ANO1: variants seen among roughly 807,000 people sequenced by gnomAD.
ANO1 encodes anoctamin-1.
ANO1 carries 59 observed loss-of-function variants against 124.0 expected under a neutral mutation model. That is an observed-to-expected ratio of 0.48 (90% CI 0.39 to 0.59). ANO1 has a LOEUF of 0.59. Among genes scored for constraint, ANO1 ranks in the 20% least tolerant of loss-of-function variants. The pLI, the probability that ANO1 is intolerant of heterozygous loss-of-function variation, is 0.00. For synonymous variants in ANO1, 529 were observed against 532.0 expected (o/e 0.99, Z 0.08); for missense variants, 1,059 against 1,328.0 (o/e 0.80, Z 3.15).
intron 10 of ANO1, among the ~76,000 whole-genome samples, chr11:70,131,442 CTCA>C (rs2046755131): frequency 6.6e-6 from 1 of 152,164 alleles, no homozygotes; most frequent in Admixed American, 6.5e-5. Context: ...ATTCTTCTGC[CTCA>C]GCCTCCCGAG....
chr11:70,144,879 G>T (rs2047297930), intron 11 of ANO1, among the ~76,000 whole-genome samples: 1 of 152,220 alleles, frequency 6.6e-6, no homozygotes, highest in African/African-American at 2.4e-5. Context: ...CAGAACCTCA[G>T]CTATGTGTCT....
chr11:70,121,519 C>G (rs1336844492), intron 8 of ANO1, among the ~76,000 whole-genome samples: 1 of 146,576 alleles, frequency 6.8e-6, no homozygotes, highest in Non-Finnish European at 1.5e-5. Flanking sequence ...ATCTCTGTCT[C>G]TCCATCTGCC....
chr11:70,061,452 C>G (rs1475533820), intron 1 of ANO1, among the ~76,000 whole-genome samples: 1 of 151,608 alleles, frequency 6.6e-6, no homozygotes, highest in East Asian at 1.9e-4. Flanking sequence ...TTTTCTCTCT[C>G]CTTCTCTCTC....
chr11:70,187,241 T>C (rs2049168443), intron 25 of ANO1, among the ~76,000 whole-genome samples: 1 of 152,198 alleles, frequency 6.6e-6, no homozygotes, highest in Non-Finnish European at 1.5e-5. Context: ...GCTGGACAGA[T>C]GTTCAGCAAA....
intron 1 of ANO1, among the ~76,000 whole-genome samples, chr11:70,000,360 G>C (rs1856359345): frequency 1.3e-5 from 2 of 152,126 alleles, no homozygotes; most frequent in South Asian, 4.2e-4. Context: ...TAAAAGTCAT[G>C]TCAGGTCACT....
intron 1 of ANO1, among the ~76,000 whole-genome samples, chr11:70,029,946 A>G (rs1856972237): frequency 1.3e-5 from 2 of 152,176 alleles, no homozygotes; most frequent in African/African-American, 4.8e-5. Context: ...TCATTAGATT[A>G]GGGCCACTGG....
Position 70,028,009 on chromosome 11 carries a change from T to C in ANO1, c.58+41843T>C, listed in dbSNP as rs1402664215. On this transcript the variant is annotated intron_variant, in intron 1 of 27. Coordinates refer to the ANO1 transcript ENST00000531349. ...AATTAAAGTACACCCGTGGGTTTTT[T>C]AAGAAGCATTTTCTTTTTGTGATCT... 2.6e-5 allele frequency among the ~76,000 whole-genome samples: 4 copies of C among 152,230 alleles called. No homozygotes were observed. In the South Asian group the frequency reaches 8.3e-4, roughly 32 times the overall value.
intron 2 of ANO1, among the ~76,000 whole-genome samples, chr11:70,098,607 A>G (rs1419804063): frequency 1.3e-5 from 2 of 152,202 alleles, no homozygotes; most frequent in Non-Finnish European, 2.9e-5. Context: ...AGGTGAGGAA[A>G]GAAGCTCACC....
intron 11 of ANO1, among the ~76,000 whole-genome samples, chr11:70,138,477 G>A (rs1473208447): frequency 6.7e-6 from 1 of 150,178 alleles, no homozygotes; most frequent in Non-Finnish European, 1.5e-5. Context: ...TTGCACTCCA[G>A]CCTGGGCAAA....
intron 1 of ANO1, among the ~76,000 whole-genome samples, chr11:69,995,345 C>T (rs943143655): frequency 2.0e-5 from 3 of 152,152 alleles, no homozygotes; most frequent in African/African-American, 7.2e-5. Context: ...GATCTACCCA[C>T]CTCAGCCTCT....
intron 22 of ANO1, among the ~76,000 whole-genome samples, chr11:70,177,319 C>T (rs2048741311): frequency 6.6e-6 from 1 of 152,248 alleles, no homozygotes; most frequent in Non-Finnish European, 1.5e-5. Flanking sequence ...AGACTAAGTC[C>T]TGGGAGTGTT....
chr11:69,991,474 G>A (rs1031278648), intron 1 of ANO1, among the ~76,000 whole-genome samples: 1 of 152,140 alleles, frequency 6.6e-6, no homozygotes, highest in Non-Finnish European at 1.5e-5. Flanking sequence ...TGTCCTCTGT[G>A]ACCAAATGCA....
At chr11:70,117,426 G>T (rs113546437) in intron 8 of ANO1, among the ~76,000 whole-genome samples, 1 of 151,836 alleles carries the variant, frequency 6.6e-6, no homozygotes, top group Non-Finnish European at 1.5e-5. Flanking sequence ...CAAAGCGTTG[G>T]TCCCCACCCT....
In ANO1 at chr11:70,126,063, A is replaced by G. The variant is rs1304153650; in HGVS notation, c.965A>G (p.Lys322Arg). 4 of 1,608,052 alleles carry G rather than the reference A, an allele frequency of 2.5e-6. No individual in the cohort carries two copies. The highest frequency in any genetic ancestry group is 3.4e-6 in the Non-Finnish European group (4 of 1,176,994). ...YKYQPIDLVR[K>R]YFGEKIGLYF... ...TCTGCTCTGCTCCCCTGGTGTAGGAAGTATTTTGGGGAGAAGATCGGCCTG... is the reference window on the plus strand; with the variant it reads ...TCTGCTCTGCTCCCCTGGTGTAGGAGGTATTTTGGGGAGAAGATCGGCCTG... Residue 322 changes from lysine to arginine, a missense_variant and splice_region_variant, in exon 10 of 26, where the codon AAG (lysine) becomes AGG (arginine). By Grantham distance (26) the Lys-to-Arg change is conservative. Around this residue, in one of 2 missense-constraint regions of ANO1, gnomAD observed 809 missense variants for 1,094.9 expected, o/e 0.74. Transcript: ENST00000355303.
chr11:70,186,036 A>T (rs2049105160), intron 25 of ANO1, among the ~76,000 whole-genome samples: 1 of 152,172 alleles, frequency 6.6e-6, no homozygotes, highest in Non-Finnish European at 1.5e-5. Context: ...CTGTAATCCC[A>T]GCACTTTGGG....
At chr11:70,080,087 C>T (rs966058307) in intron 1 of ANO1, among the ~76,000 whole-genome samples, 1 of 152,278 alleles carries the variant, frequency 6.6e-6, no homozygotes, top group African/African-American at 2.4e-5. Flanking sequence ...AGGCTCCGCC[C>T]ATCTGGAGCT....
chr11:70,029,561 G>GGGTCAAAGCCATGAA (rs1457606405), intron 1 of ANO1, among the ~76,000 whole-genome samples: 3 of 152,248 alleles, frequency 2.0e-5, no homozygotes, highest in Non-Finnish European at 4.4e-5. Flanking sequence ...AGCCTGATCA[G>GGGTCAAAGCCATGAA]GGTCAAAGCC....
At position 70,087,880 on chromosome 11, in the gene ANO1, GGTC is replaced by G. The variant is rs1388928319; in HGVS notation, c.238_240del (p.Val80del). 2 of 1,612,066 alleles carry G rather than the reference GGTC, an allele frequency of 1.2e-6. No homozygotes were observed. The highest frequency in any genetic ancestry group is 1.7e-6 in the Non-Finnish European group (2 of 1,179,520). On this transcript the variant is annotated inframe_deletion, in exon 2 of 26. Coordinates refer to ENST00000355303, the MANE Select transcript of ANO1 (RefSeq NM_018043.7). ...AGAGGCCCTCGGGCAACCGGACCCTGGTCAGGAGGGTGCAGCACAGCGACACCC... is the reference window on the plus strand; with the variant it reads ...AGAGGCCCTCGGGCAACCGGACCCTGAGGAGGGTGCAGCACAGCGACACCC...
At chr11:70,087,718 G>T (rs747501583) in intron 1 of ANO1, 34 bp from the exon 2 acceptor site, 2 of 1,539,592 alleles carry the variant, frequency 1.3e-6, no homozygotes, top group Non-Finnish European at 8.8e-7. Flanking sequence ...CGAGCAGCTC[G>T]ATGGTGAATG....
Sources: gnomAD v4.1 joint callset for allele counts (sites outside exome capture counted in the v4.1 genomes callset) on GRCh38, gnomAD v4.1.1 for gene constraint, gnomAD v4.1.1 regional missense constraint, MANE v1.5 for transcripts, NCBI Gene and HGNC (gene_info 2026-07-23, HGNC 2026-07-21) for gene names.